Variants in SPATA22 observed in about 807,000 individuals in gnomAD.
SPATA22 encodes the protein spermatogenesis associated 22, also known as spermatogenesis-associated protein 22.
In SPATA22, 29 loss-of-function variants were observed where a neutral mutation model predicts 47.8. That is an observed-to-expected ratio of 0.61 (90% CI 0.45 to 0.83). SPATA22 has a LOEUF of 0.83. SPATA22 is among the 40% of genes least tolerant of loss of function. The pLI is 0.00. For missense variants in SPATA22, 410 were observed against 421.7 expected (o/e 0.97, Z 0.24); for synonymous variants, 133 against 140.9 (o/e 0.94, Z 0.40).
At chr17:3,443,293 G>T in intron 7 of SPATA22, 22 bp from the exon 8 acceptor site, 1 of 1,519,510 alleles carries the variant, frequency 6.6e-7, no homozygotes, top group Non-Finnish European at 9.0e-7. Flanking sequence ...TGAAATGGGG[G>T]AAAAAATGAA....
intron 1 of SPATA22, among the ~76,000 whole-genome samples, chr17:3,507,865 C>A (rs2074056993): frequency 6.6e-6 from 1 of 152,192 alleles, no homozygotes; most frequent in Non-Finnish European, 1.5e-5. Flanking sequence ...TTGACCTAGG[C>A]ATCTCCTTCC....
At chr17:3,470,393 A>T (rs1345056291) in intron 1 of SPATA22, among the ~76,000 whole-genome samples, 2 of 152,296 alleles carry the variant, frequency 1.3e-5, no homozygotes, top group Admixed American at 6.5e-5. Context: ...ACACATACAC[A>T]ACTAAGCAAT....
intron 1 of SPATA22, among the ~76,000 whole-genome samples, chr17:3,489,911 G>A (rs982606470): frequency 4.6e-5 from 7 of 152,156 alleles, no homozygotes; most frequent in Admixed American, 4.6e-4. Flanking sequence ...TTGTTATCGT[G>A]CATCATTTAT....
At chr17:3,472,127 CGTTT>C (rs1182044067), upstream of SPATA22, 2 of 152,912 alleles carry the variant, frequency 1.3e-5, no homozygotes, top group Admixed American at 6.5e-5. Context: ...TCCAGACATC[CGTTT>C]GTTAGATGCT....
At chr17:3,489,877 C>G (rs2073794127) in intron 1 of SPATA22, among the ~76,000 whole-genome samples, 1 of 152,166 alleles carries the variant, frequency 6.6e-6, no homozygotes, top group Non-Finnish European at 1.5e-5. Context: ...AACACAAGCA[C>G]AAGCAACATG....
At chr17:3,496,958 C>T (rs372106892) in intron 1 of SPATA22, among the ~76,000 whole-genome samples, 4 of 152,084 alleles carry the variant, frequency 2.6e-5, no homozygotes, top group South Asian at 2.1e-4. Flanking sequence ...CCCAGCTACT[C>T]GGGAGCCTGA....
chr17:3,440,524 G>A, intron 8 of SPATA22, 186 bp from the exon 9 acceptor site: 1 of 414,760 alleles, frequency 2.4e-6, no homozygotes, highest in Non-Finnish European at 4.3e-6. Context: ...TGTAACAGAG[G>A]AAAGACCCTC....
chr17:3,448,228 A>G (rs1335350820), intron 6 of SPATA22, among the ~76,000 whole-genome samples: 4 of 152,238 alleles, frequency 2.6e-5, no homozygotes, highest in Admixed American at 6.5e-5. Flanking sequence ...TCATAAAGCA[A>G]AGGTCATAAT....
chr17:3,456,411 T>TA (rs1463204544), intron 5 of SPATA22, among the ~76,000 whole-genome samples: 1 of 144,468 alleles, frequency 6.9e-6, no homozygotes, highest in Non-Finnish European at 1.5e-5. Context: ...CAGAGAATAC[T>TA]ACAAACATCT....
At chr17:3,475,480 G>C (rs2073507324), upstream of SPATA22, 1 of 152,354 alleles carries the variant, frequency 6.6e-6, no homozygotes, top group African/African-American at 2.4e-5. Context: ...TCATGAGAAA[G>C]AAATGAAGGG....
rs2073758764 is a variant in SPATA22 at position 3,488,023 on chromosome 17, A to C, written c.-73-18625T>G. Among the ~76,000 whole-genome samples the C allele has an allele frequency of 6.6e-6, 1 of 152,258 alleles. No homozygotes were observed. The highest frequency in any genetic ancestry group is 1.5e-5 in the Non-Finnish European group (1 of 68,048). ...AAGAAACCTAAGCACAACAAATAAAAAATGATGCAAGAGAATAAGATAAGA... is the reference window on the plus strand; with the variant it reads ...AAGAAACCTAAGCACAACAAATAAACAATGATGCAAGAGAATAAGATAAGA... On this transcript the variant is annotated intron_variant, in intron 1 of 8. Transcript: ENST00000541913. The surrounding 1 kb of genome is among the most constrained non-coding windows in gnomAD (Gnocchi z 6.1).
chr17:3,467,675 T>C lies in SPATA22; in HGVS notation c.44-121A>G, dbSNP rs8079907. The C allele has an allele frequency of 4.2e-3, 2,787 of 667,174 alleles. 67 individuals are homozygous for C. The African/African-American group carries it at 0.046, about 11-fold the overall frequency. The allele number at this position is 667,174 out of a possible 1,614,324, so 41.3% of individuals were successfully genotyped here. A position where few individuals can be genotyped will look rare whatever the true frequency, so the allele number is the denominator to read the frequency against. On this transcript the variant is annotated intron_variant, in intron 2 of 8. Transcript: ENST00000572969. ...CTACTTCTATATGCTAATATACTTA[T>C]AGATTTCTATAACCTTAGAATGATT...
chr17:3,498,490 G>A (rs183413952), intron 1 of SPATA22, among the ~76,000 whole-genome samples: 2 of 152,132 alleles, frequency 1.3e-5, no homozygotes, highest in African/African-American at 4.8e-5. Context: ...TGGGACTACA[G>A]GCATGCACCA....
rs745665847 is a variant in SPATA22, at chr17:3,449,109, T to C, written c.370A>G (p.Asn124Asp). The change falls in exon 6 of 9, where the codon AAT becomes GAT. Residue 124 changes from asparagine (N) to aspartate (D), a missense_variant. Physicochemically the swap from Asn to Asp is conservative, Grantham distance 23. Transcript: ENST00000572969. ...CATTGAGGCTTAAAATCATTTTTAT[T>C]CCAAGTTTTCAAGCTGGTATTTTTG... The part of the protein sequence containing the change: ...GNKNTSLKTW[N>D]KNDFKPQCKR... 2 of 1,609,778 alleles carry C rather than the reference T, an allele frequency of 1.2e-6. No homozygotes were observed. The highest frequency in any genetic ancestry group is 2.2e-5 in the South Asian group (2 of 89,962).
intron 3 of SPATA22, among the ~76,000 whole-genome samples, chr17:3,466,057 A>C (rs887303591): frequency 1.3e-5 from 2 of 151,930 alleles, no homozygotes; most frequent in African/African-American, 4.8e-5. Flanking sequence ...ATTTTTATAC[A>C]CAAAAATTGG....
intron 1 of SPATA22, chr17:3,494,309 A>C: frequency 6.8e-7 from 1 of 1,468,390 alleles, no homozygotes; most frequent in Non-Finnish European, 9.5e-7. Flanking sequence ...CGGCCCAGAG[A>C]TGTTTTTAGT....
At chr17:3,466,536 C>A (rs2073318547) in intron 3 of SPATA22, among the ~76,000 whole-genome samples, 1 of 152,140 alleles carries the variant, frequency 6.6e-6, no homozygotes. Context: ...CTGGTGACCT[C>A]TGAGAACTAG....
At chr17:3,505,069 C>T (rs946480120) in intron 1 of SPATA22, among the ~76,000 whole-genome samples, 2 of 135,350 alleles carry the variant, frequency 1.5e-5, no homozygotes, top group Non-Finnish European at 3.2e-5. Flanking sequence ...CTCAGATGCA[C>T]AAAGTTCCCT....
At chr17:3,501,029 C>T (rs12946429) in intron 1 of SPATA22, 27,393 of 151,906 alleles carry the variant, frequency 0.18, 2,712 homozygotes, top group Middle Eastern at 0.3. Flanking sequence ...TGGAGATGTG[C>T]GAAGAGATTA....
Sources: gnomAD v4.1 joint callset for allele counts (sites outside exome capture counted in the v4.1 genomes callset) on GRCh38, gnomAD v4.1.1 for gene constraint, Gnocchi (gnomAD v3.1) non-coding constraint, MANE v1.5 for transcripts, NCBI Gene and HGNC (gene_info 2026-07-23, HGNC 2026-07-21) for gene names.